PIGN: variants seen among roughly 807,000 people sequenced by gnomAD.
PIGN encodes the protein phosphatidylinositol glycan anchor biosynthesis class N.
In PIGN, 117 loss-of-function variants were observed where a neutral mutation model predicts 125.4. The ratio of observed to expected loss-of-function variants is 0.93; its 90% confidence interval spans 0.80 to 1.09. The LOEUF is 1.09. PIGN is among the 50% of genes least tolerant of loss of function. The pLI is 0.00. For synonymous variants in PIGN, 392 were observed against 377.8 expected (o/e 1.04, Z -0.44); for missense variants, 1,075 against 1,094.9 (o/e 0.98, Z 0.26).
rs200750917 is a variant in PIGN, at chr18:62,084,586, T to G, written c.2447A>C (p.Tyr816Ser). 6.4e-7 allele frequency: 1 copy of G among 1,557,040 alleles called. No homozygotes were observed. The highest frequency in any genetic ancestry group is 8.7e-7 in the Non-Finnish European group (1 of 1,148,408). ...SINSFDLASV[Y>S]CFLTVFSPFM... The stretch of plus-strand genomic sequence containing the variant: ...AGGACTGAACACAGTCAGAAAGCAA[T>G]AGACAGAGGCAAGATCAAAGCTAGG... The change falls in exon 27 of 31, where the codon TAT (tyrosine) becomes TCT (serine). Residue 816 changes from tyrosine (Y) to serine (S), a missense_variant. By Grantham distance (144) the Tyr-to-Ser change is moderately radical. Around this residue, in one of 3 missense-constraint regions of PIGN, gnomAD observed 915 missense variants for 908.7 expected, o/e 1.01. Coordinates refer to ENST00000640252, the MANE Select transcript of PIGN (RefSeq NM_176787.5).
At chr18:62,052,414 A>G (rs887584052) in intron 30 of PIGN, 2 of 151,250 alleles carry the variant, frequency 1.3e-5, no homozygotes, top group African/African-American at 4.9e-5. Context: ...TATTTAGGAT[A>G]CTTAGCTCTT....
At chr18:62,125,144 A>ATG (rs1555688922) in intron 14 of PIGN, among the ~76,000 whole-genome samples, 2 of 45,208 alleles carry the variant, frequency 4.4e-5, no homozygotes, top group African/African-American at 8.3e-5. Flanking sequence ...GTTTGTACAT[A>ATG]TGTGTATATA....
At chr18:62,141,411 A>ACT (rs1198643619) in intron 11 of PIGN, among the ~76,000 whole-genome samples, 1 of 152,162 alleles carries the variant, frequency 6.6e-6, no homozygotes, top group Admixed American at 6.5e-5. Flanking sequence ...GGCATAGGCC[A>ACT]CTCCTTTCTT....
At chr18:62,090,095 T>C (rs915932173) in intron 24 of PIGN, among the ~76,000 whole-genome samples, 2 of 152,174 alleles carry the variant, frequency 1.3e-5, no homozygotes, top group East Asian at 1.9e-4. Flanking sequence ...ATAAAATTCA[T>C]AAATTGACTT....
chr18:62,109,899 G>A lies in PIGN; in HGVS notation c.1509C>T (p.Ala503=). The change falls in exon 17 of 31, where the codon GCC becomes GCT. Residue 503 remains alanine (A), a synonymous_variant. Coordinates refer to ENST00000640252, the MANE Select transcript of PIGN (RefSeq NM_176787.5). ...ILVAFFLLIQ[A]CPWTYYVYGL... is the part of the protein sequence containing the mutation. The stretch of plus-strand genomic sequence containing the variant: ...CATATACATAATATGTCCAGGGACA[G>A]GCTTGAATCAGCAGAAAAAATGCTA... The A allele has an allele frequency of 1.2e-6, 2 of 1,613,168 alleles. No individual in the cohort carries two copies. The highest frequency in any genetic ancestry group is 1.3e-5 in the African/African-American group (1 of 74,992).
At chr18:62,129,489 G>A (rs1442686632) in intron 14 of PIGN, among the ~76,000 whole-genome samples, 1 of 152,148 alleles carries the variant, frequency 6.6e-6, no homozygotes, top group Non-Finnish European at 1.5e-5. Context: ...TTCCAACACT[G>A]CCTTCACTGA....
chr18:62,109,477 T>C (rs959142957), intron 17 of PIGN, among the ~76,000 whole-genome samples: 34 of 152,202 alleles, frequency 2.2e-4, no homozygotes, highest in African/African-American at 7.7e-4. Context: ...TATGAAGATA[T>C]ATTGGAATCT....
At chr18:62,019,777 AAC>A (rs1555667856) in intron 23 of PIGN, among the ~76,000 whole-genome samples, 1 of 152,242 alleles carries the variant, frequency 6.6e-6, no homozygotes, top group Non-Finnish European at 1.5e-5. Context: ...AAGCAACAAT[AAC>A]ACTGGACAAA....
intron 4 of PIGN, 116 bp from the exon 5 acceptor site, chr18:62,157,924 A>T: frequency 1.0e-6 from 1 of 967,490 alleles, no homozygotes; most frequent in Non-Finnish European, 1.5e-6. Flanking sequence ...CTTAAGTCAA[A>T]ACTTAAGAAG....
rs867441748 is a variant in PIGN at position 62,145,921 on chromosome 18, C to T, written c.910G>A (p.Ala304Thr). 3 of 1,543,980 alleles carry T rather than the reference C, an allele frequency of 1.9e-6. No individual in the cohort carries two copies. In the Middle Eastern group the frequency reaches 5.1e-4, roughly 260 times the overall value. The change falls in exon 10 of 31, where the codon GCA (alanine) becomes ACA (threonine). Residue 304 changes from alanine to threonine, a missense_variant. Physicochemically the swap from Ala to Thr is moderately conservative, Grantham distance 58. Transcript: ENST00000640252. ...QRVSAQQFDD[A>T]FLKEWRLENW... ...GAAATGCTTGTACCTTTCAAAAATG[C>T]ATCATCAAATTGCTGAGCTGATACT...
At chr18:62,033,934 G>A (rs1346239341) in intron 23 of PIGN, among the ~76,000 whole-genome samples, 6 of 152,150 alleles carry the variant, frequency 3.9e-5, no homozygotes, top group Admixed American at 3.9e-4. Context: ...TATTATCACA[G>A]TATTACAGAT....
intron 14 of PIGN, among the ~76,000 whole-genome samples, chr18:62,124,626 C>T (rs2035432724): frequency 6.6e-6 from 1 of 152,156 alleles, no homozygotes; most frequent in African/African-American, 2.4e-5. Flanking sequence ...AATGCTAAAC[C>T]TGCCTATGAG....
At chr18:62,090,901 TAAA>T (rs2033923929) in intron 23 of PIGN, among the ~76,000 whole-genome samples, 1 of 151,952 alleles carries the variant, frequency 6.6e-6, no homozygotes, top group Non-Finnish European at 1.5e-5. Flanking sequence ...ATTCTTGAGG[TAAA>T]ATTATTAACA....
intron 30 of PIGN, among the ~76,000 whole-genome samples, chr18:62,058,146 A>T (rs972301764): frequency 5.9e-5 from 9 of 152,200 alleles, no homozygotes; most frequent in Admixed American, 5.2e-4. Flanking sequence ...GCCCTGGCCC[A>T]GACCAGGAGG....
At chr18:62,120,051 G>A (rs1223422461) in intron 14 of PIGN, among the ~76,000 whole-genome samples, 1 of 152,024 alleles carries the variant, frequency 6.6e-6, no homozygotes, top group Non-Finnish European at 1.5e-5. Flanking sequence ...TAAGATAAAG[G>A]CCAAGAACTT....
chr18:62,125,448 T>C lies in PIGN; in HGVS notation c.1173-10809A>G, dbSNP rs560114569. On this transcript the variant is annotated intron_variant, in intron 14 of 30. Coordinates refer to ENST00000640252, the MANE Select transcript of PIGN (RefSeq NM_176787.5). Reference sequence around the variant, plus strand: ...TAGACATGTTATTATTGTTCAATTATGTGGCTTTCCATTTTTTTGATTATA... The same window carrying C: ...TAGACATGTTATTATTGTTCAATTACGTGGCTTTCCATTTTTTTGATTATA... Among the ~76,000 whole-genome samples the C allele has an allele frequency of 4.6e-5, 7 of 152,230 alleles. No homozygotes were observed. In the South Asian group the frequency reaches 1.0e-3, roughly 23 times the overall value.
intron 23 of PIGN, among the ~76,000 whole-genome samples, chr18:62,035,683 C>A (rs1047870628): frequency 1.8e-4 from 27 of 151,982 alleles, no homozygotes; most frequent in Non-Finnish European, 2.8e-4. Context: ...CCCTTCCCCC[C>A]ACCCCACAAC....
At chr18:62,102,241 CA>C (rs771054867) in intron 21 of PIGN, among the ~76,000 whole-genome samples, 1 of 148,532 alleles carries the variant, frequency 6.7e-6, no homozygotes, top group Non-Finnish European at 1.5e-5. Context: ...AAAACACATA[CA>C]AAAAACAAAA....
At chr18:62,127,409 C>T (rs960008632) in intron 14 of PIGN, among the ~76,000 whole-genome samples, 1 of 151,966 alleles carries the variant, frequency 6.6e-6, no homozygotes, top group East Asian at 1.9e-4. Flanking sequence ...AATACTGTTG[C>T]TGAAGTATGG....
Sources: gnomAD v4.1 joint callset for allele counts (sites outside exome capture counted in the v4.1 genomes callset) on GRCh38, gnomAD v4.1.1 for gene constraint, gnomAD v4.1.1 regional missense constraint, MANE v1.5 for transcripts, NCBI Gene and HGNC (gene_info 2026-07-23, HGNC 2026-07-21) for gene names.